ADGRB3: variants seen among roughly 807,000 people sequenced by gnomAD.
ADGRB3 encodes brain-specific angiogenesis inhibitor 3.
A neutral mutation model predicts 193.4 loss-of-function variants in ADGRB3; 37 were observed. The observed-to-expected ratio is 0.19, with a 90% CI of 0.15 to 0.25. ADGRB3 has a LOEUF of 0.25. Among genes scored for constraint, ADGRB3 ranks in the 10% least tolerant of loss-of-function variants. The probability of loss-of-function intolerance (pLI) is 1.00; values close to 1 mark genes in which losing one functional copy is unlikely to be tolerated. For synonymous variants in ADGRB3, 690 were observed against 644.2 expected, an observed-to-expected ratio of 1.07 and a Z score of -1.08; for missense variants, 1,637 against 1,852.9, an observed-to-expected ratio of 0.88 and a Z score of 2.14.
At chr6:68,886,013 A>G (rs999358849) in intron 3 of ADGRB3, among the ~76,000 whole-genome samples, 1 of 152,150 alleles carries the variant, frequency 6.6e-6, no homozygotes, top group Non-Finnish European at 1.5e-5. Context: ...AATTATTTGG[A>G]TATAGACCCT....
intron 17 of ADGRB3, among the ~76,000 whole-genome samples, chr6:69,089,405 G>T (rs1772642713): frequency 1.3e-5 from 2 of 152,008 alleles, no homozygotes; most frequent in Admixed American, 1.3e-4. Context: ...TATATTAAAG[G>T]GAAAATTTTT....
At chr6:68,911,879 GT>G (rs543460047) in intron 3 of ADGRB3, among the ~76,000 whole-genome samples, 104 of 129,642 alleles carry the variant, frequency 8.0e-4, no homozygotes, top group Middle Eastern at 4.0e-3. Context: ...AGTTGTTTCT[GT>G]TTTTTTTTTT....
intron 13 of ADGRB3, among the ~76,000 whole-genome samples, chr6:69,024,757 A>T (rs1284855940): frequency 6.6e-6 from 1 of 152,214 alleles, no homozygotes; most frequent in Non-Finnish European, 1.5e-5. Context: ...TTTTTCTTTG[A>T]AAAGGTAAAT....
intron 17 of ADGRB3, among the ~76,000 whole-genome samples, chr6:69,162,046 C>T (rs563174706): frequency 5.3e-5 from 8 of 152,096 alleles, no homozygotes; most frequent in Non-Finnish European, 7.4e-5. Flanking sequence ...GGAAGGGGTT[C>T]GATAAGATGT....
At chr6:68,902,655 T>TA (rs1401944723) in intron 3 of ADGRB3, among the ~76,000 whole-genome samples, 1 of 152,064 alleles carries the variant, frequency 6.6e-6, no homozygotes, top group Non-Finnish European at 1.5e-5. Context: ...ATTAAGGCCT[T>TA]ATAGGGACTA....
At chr6:68,919,893 T>A (rs1318022313) in intron 3 of ADGRB3, among the ~76,000 whole-genome samples, 4 of 152,192 alleles carry the variant, frequency 2.6e-5, no homozygotes, top group Non-Finnish European at 5.9e-5. Context: ...AACAAGAAAG[T>A]ATTGTTCAGA....
chr6:69,185,945 A>G (rs1765057487), intron 17 of ADGRB3, among the ~76,000 whole-genome samples: 1 of 152,090 alleles, frequency 6.6e-6, no homozygotes, highest in South Asian at 2.1e-4. Flanking sequence ...CCCCAAATGG[A>G]TCAAAGTGAT....
chr6:68,875,255 C>G (rs1324404948), intron 3 of ADGRB3, among the ~76,000 whole-genome samples: 1 of 119,522 alleles, frequency 8.4e-6, no homozygotes, highest in Non-Finnish European at 1.8e-5. Flanking sequence ...CTCCCCTCCC[C>G]TCCCCTCCCT....
At chr6:68,655,565 C>A (rs953458553) in intron 3 of ADGRB3, among the ~76,000 whole-genome samples, 3 of 151,506 alleles carry the variant, frequency 2.0e-5, no homozygotes, top group Non-Finnish European at 3.0e-5. Flanking sequence ...ATTAAAATGC[C>A]TCCTGGACTG....
intron 17 of ADGRB3, among the ~76,000 whole-genome samples, chr6:69,127,099 G>T (rs536753305): frequency 6.6e-6 from 1 of 152,268 alleles, no homozygotes; most frequent in Admixed American, 6.5e-5. Flanking sequence ...TCCCACCATG[G>T]GGATATGTGT....
intron 13 of ADGRB3, among the ~76,000 whole-genome samples, chr6:69,029,898 G>A (rs1319324678): frequency 2.0e-5 from 3 of 149,420 alleles, no homozygotes; most frequent in African/African-American, 7.4e-5. Flanking sequence ...AGTGGGCAAA[G>A]GATATGAACA....
At chr6:69,237,383 A>C (rs1766288165) in intron 19 of ADGRB3, among the ~76,000 whole-genome samples, 1 of 152,004 alleles carries the variant, frequency 6.6e-6, no homozygotes, top group African/African-American at 2.4e-5. Flanking sequence ...GTTCACCAAA[A>C]ATTTAATACA....
At chr6:69,188,959 A>T (rs938010093) in intron 17 of ADGRB3, among the ~76,000 whole-genome samples, 2 of 152,208 alleles carry the variant, frequency 1.3e-5, no homozygotes, top group African/African-American at 4.8e-5. Context: ...AATAAAAATA[A>T]TATCACAAAT....
intron 3 of ADGRB3, among the ~76,000 whole-genome samples, chr6:68,907,947 C>T (rs1475062516): frequency 6.6e-6 from 1 of 151,516 alleles, no homozygotes; most frequent in South Asian, 2.1e-4. Context: ...GAGTTTTGTC[C>T]TCATTTGTAT....
At chr6:69,095,382 G>T (rs1772842182) in intron 17 of ADGRB3, among the ~76,000 whole-genome samples, 1 of 145,422 alleles carries the variant, frequency 6.9e-6, no homozygotes, top group African/African-American at 2.5e-5. Flanking sequence ...AGATGGAGAG[G>T]AGCATGGGGG....
intron 20 of ADGRB3, among the ~76,000 whole-genome samples, chr6:69,251,654 C>CA (rs1181641030): frequency 2.0e-5 from 3 of 152,030 alleles, no homozygotes; most frequent in Admixed American, 1.3e-4. Context: ...GTATAGTTAA[C>CA]AAAAAAATGC....
chr6:69,060,155 C>A (rs1435795820), intron 15 of ADGRB3, among the ~76,000 whole-genome samples: 1 of 151,326 alleles, frequency 6.6e-6, no homozygotes, highest in East Asian at 1.9e-4. Flanking sequence ...CAAATATATT[C>A]TAAATATATT....
At chr6:69,163,701 A>G (rs1042444822) in intron 17 of ADGRB3, among the ~76,000 whole-genome samples, 5 of 152,112 alleles carry the variant, frequency 3.3e-5, no homozygotes, top group African/African-American at 1.2e-4. Flanking sequence ...TAAATACTGT[A>G]CAACCCTTTC....
chr6:69,144,918 T>TCTTTCTTTCTTTCTTG (rs56851718), intron 17 of ADGRB3, among the ~76,000 whole-genome samples: 1 of 129,130 alleles, frequency 7.7e-6, no homozygotes, highest in Non-Finnish European at 1.7e-5. Context: ...TTTCTTTCTT[T>TCTTTCTTTCTTTCTTG]TTCTTTTTAT....
Sources: gnomAD v4.1 joint callset for allele counts (sites outside exome capture counted in the v4.1 genomes callset) on GRCh38, gnomAD v4.1.1 for gene constraint, MANE v1.5 for transcripts, NCBI Gene and HGNC (gene_info 2026-07-23, HGNC 2026-07-21) for gene names.